Variants in MYRF observed in about 807,000 individuals in gnomAD.
MYRF encodes myelin gene regulatory factor.
A neutral mutation model predicts 126.3 loss-of-function variants in MYRF; 16 were observed. That is an observed-to-expected ratio of 0.13 (90% confidence interval 0.09 to 0.19). The LOEUF (loss-of-function observed/expected upper bound fraction) is 0.19, where lower values mean the gene tolerates loss of function less well. Among genes scored for constraint, MYRF ranks in the 10% least tolerant of loss-of-function variants. The pLI is 1.00. For synonymous variants in MYRF, 608 were observed against 635.3 expected (o/e 0.96, Z 0.65); for missense variants, 1,104 against 1,547.0 (o/e 0.71, Z 4.80).
chr11:61,772,147 G>C (rs958274736), intron 7 of MYRF, among the ~76,000 whole-genome samples, 195 bp downstream of exon 7: 1 of 152,188 alleles, frequency 6.6e-6, no homozygotes, highest in Non-Finnish European at 1.5e-5. Context: ...CCCTGAGAAG[G>C]TGATGACTGC....
rs1349245997 is a variant in MYRF at position 61,770,326 on chromosome 11, C to A, written c.541C>A (p.Pro181Thr). Residue 181 changes from proline (P) to threonine (T), a missense_variant, in exon 5 of 27, where the codon CCT (proline) becomes ACT (threonine). By Grantham distance (38) the Pro-to-Thr change is conservative. Around this residue, in one of 10 missense-constraint regions of MYRF, gnomAD observed 368 missense variants for 403.9 expected, o/e 0.91. Transcript: ENST00000278836. ...VPSRLEHPPP[P>T]PAHLPGPPPP... ...CTCCCGCCTGGAGCATCCGCCCCCA[C>A]CTCCAGCCCACTTGCCAGGCCCCCC... The A allele has an allele frequency of 3.8e-6, 6 of 1,577,974 alleles. No individual in the cohort carries two copies. The highest frequency in any genetic ancestry group is 5.2e-6 in the Non-Finnish European group (6 of 1,163,466).
rs989804523 is a variant in MYRF at position 61,765,555 on chromosome 11, G to T, written c.47-70G>T. On this transcript the variant is annotated intron_variant, in intron 1 of 26. Transcript: ENST00000278836. ...GGGCCAGCCTGGGCAGGGATGGAGGGCTGGGCCCTGAAGCCCAGGGTCTGC... is the reference window on the plus strand; with the variant it reads ...GGGCCAGCCTGGGCAGGGATGGAGGTCTGGGCCCTGAAGCCCAGGGTCTGC... The T allele has an allele frequency of 7.7e-6, 10 of 1,292,706 alleles. No individual in the cohort carries two copies. In the Admixed American group the frequency reaches 8.0e-5, roughly 10 times the overall value. The allele number at this position is 1,292,706 out of a possible 1,614,324, so 80.1% of individuals were successfully genotyped here.
chr11:61,776,744 G>A lies in MYRF; in HGVS notation c.1500-43G>A, dbSNP rs981575100. On this transcript the variant is annotated intron_variant, in intron 10 of 26. Transcript: ENST00000278836. This position sits in a 1 kb window ranked among gnomAD's most constrained non-coding sequence, Gnocchi z 4.3. The stretch of plus-strand genomic sequence containing the variant: ...CCAGGGAAAGGGTGGCCCTGGGGGC[G>A]GGGGCAGGCCATGAGTACTTCTGAG... The A allele has an allele frequency of 6.8e-6, 10 of 1,477,446 alleles. No homozygotes were observed. Among genetic ancestry groups the A allele is most frequent in the South Asian group, 5.0e-5 (4 of 80,228 alleles). 91.5% of individuals were successfully genotyped at this position (1,477,446 alleles called of 1,614,324 possible). A position where few individuals can be genotyped will look rare whatever the true frequency, so the allele number is the denominator to read the frequency against.
At chr11:61,754,653 G>A (rs571809631) in intron 1 of MYRF, among the ~76,000 whole-genome samples, 57 of 152,322 alleles carry the variant, frequency 3.7e-4, no homozygotes, top group African/African-American at 1.2e-3. Context: ...GGGTTGGGGG[G>A]TGGGGGCTGA....
At chr11:61,782,916 G>A (rs2066591353) in intron 22 of MYRF, 1 of 152,588 alleles carries the variant, frequency 6.6e-6, no homozygotes, top group Admixed American at 6.5e-5. Flanking sequence ...CCCTTCCTGG[G>A]TGGATAGTCA....
At chr11:61,780,149 A>G (rs765474074) in intron 17 of MYRF, 73 bp from the exon 18 acceptor site, 2 of 1,551,332 alleles carry the variant, frequency 1.3e-6, no homozygotes, top group African/African-American at 1.4e-5. Flanking sequence ...AGCAAGGACC[A>G]CAGCCTTGTC....
At chr11:61,784,592 C>T in intron 25 of MYRF, 1 of 567,066 alleles carries the variant, frequency 1.8e-6, no homozygotes, top group South Asian at 2.1e-5. Flanking sequence ...TGAGCATCTC[C>T]CAGCCCTGCC....
In MYRF at chr11:61,779,251, G is replaced by T. The variant is rs1403500144; in HGVS notation, c.2014-12G>T. On this transcript the variant is annotated splice_polypyrimidine_tract_variant and intron_variant, in intron 14 of 26. Transcript: ENST00000278836. ...TGTTGGCCCATGGCCCATGGCCCAT[G>T]GCCCATGGCAGGAGCGCATCTTCAT... 6 of 1,539,148 alleles carry T rather than the reference G, an allele frequency of 3.9e-6. No individual in the cohort carries two copies. The East Asian group carries it at 1.5e-4, about 38-fold the overall frequency.
At chr11:61,764,226 TC>T (rs1441117333) in intron 1 of MYRF, among the ~76,000 whole-genome samples, 1 of 152,106 alleles carries the variant, frequency 6.6e-6, no homozygotes, top group African/African-American at 2.4e-5. Flanking sequence ...GGCTCAGCAT[TC>T]TTGAAATGCC....
chr11:61,784,203 TG>T, intron 24 of MYRF, 76 bp from the exon 25 acceptor site: 1 of 1,358,452 alleles, frequency 7.4e-7, no homozygotes, highest in Non-Finnish European at 1.0e-6. Context: ...CAGAGGCGTG[TG>T]GCAGGCTGGC....
Position 61,784,310 on chromosome 11 carries a change from C to T in MYRF, c.3225C>T (p.Cys1075=). The T allele has an allele frequency of 1.2e-6, 2 of 1,613,840 alleles. No homozygotes were observed. Among genetic ancestry groups the T allele is most frequent in the African/African-American group, 1.3e-5 (1 of 74,966 alleles). ...NSSSPVSVVL[C]SLRSKEEPCE... ...CCTCCCCCGTGTCTGTGGTGCTGTG[C>T]AGCCTGAGGTCAAAGGAGGAACCAT... The change falls in exon 25 of 27, where the codon TGC becomes TGT. Residue 1075 remains cysteine, a synonymous_variant. Coordinates refer to ENST00000278836, the MANE Select transcript of MYRF (RefSeq NM_001127392.3).
At chr11:61,761,912 G>A (rs2065912105) in intron 1 of MYRF, among the ~76,000 whole-genome samples, 1 of 152,276 alleles carries the variant, frequency 6.6e-6, no homozygotes, top group Admixed American at 6.5e-5. Context: ...GGGCGAGTGA[G>A]CTGTGGGTGG....
chr11:61,782,012 G>A (rs2066565668), intron 22 of MYRF, 188 bp downstream of exon 22: 4 of 586,290 alleles, frequency 6.8e-6, no homozygotes, highest in Middle Eastern at 4.7e-4. Flanking sequence ...AGTCCTCACA[G>A]CACTCCTGCA....
Position 61,773,829 on chromosome 11 carries a change from T to TG in MYRF, c.1116-133dup, listed in dbSNP as rs2135810114. Reference sequence around the variant, plus strand: ...GGACTCAGTTTCCATTTCTCAGGAGTGGGGGCAGCCGCATTGGTGGTTTGA... The same window carrying TG: ...GGACTCAGTTTCCATTTCTCAGGAGTGGGGGGCAGCCGCATTGGTGGTTTGA... On this transcript the variant is annotated intron_variant, in intron 7 of 26. Transcript: ENST00000278836. 6 of 673,860 alleles carry TG rather than the reference T, an allele frequency of 8.9e-6. No individual in the cohort carries two copies. In the East Asian group the frequency reaches 1.4e-4, roughly 15 times the overall value. 41.7% of individuals were successfully genotyped at this position (673,860 alleles called of 1,614,324 possible). A position where few individuals can be genotyped will look rare whatever the true frequency, so the allele number is the denominator to read the frequency against.
intron 3 of MYRF, chr11:61,767,661 A>G: frequency 2.9e-6 from 1 of 343,824 alleles, no homozygotes; most frequent in South Asian, 2.3e-5. Flanking sequence ...CCATCTCTAC[A>G]AAAAATACAA....
intron 4 of MYRF, among the ~76,000 whole-genome samples, chr11:61,769,695 G>A (rs2066155342): frequency 6.6e-6 from 1 of 152,300 alleles, no homozygotes; most frequent in Admixed American, 6.5e-5. Context: ...GTGGCCAAGA[G>A]CAGAACCACC....
At position 61,781,707 on chromosome 11, in the gene MYRF, G is replaced by C. The variant is rs1004532929; in HGVS notation, c.2899G>C (p.Gly967Arg). 2 of 1,613,324 alleles carry C rather than the reference G, an allele frequency of 1.2e-6. No individual in the cohort carries two copies. Among genetic ancestry groups the C allele is most frequent in the African/African-American group, 1.3e-5 (1 of 74,938 alleles). The change falls in exon 22 of 27, where the codon GGG becomes CGG. Residue 967 changes from glycine to arginine, a missense_variant. Transcript: ENST00000278836. Reference protein sequence around the residue: ...PLASPAVPFPGGQGKAKNSPS... With the variant: ...PLASPAVPFPRGQGKAKNSPS... ...GGCCAGCCCTGCAGTCCCCTTCCCT[G>C]GGGGGCAGGGCAAAGCCAAGAACAG...
chr11:61,782,496 A>G (rs1013315869), intron 22 of MYRF: 2 of 152,234 alleles, frequency 1.3e-5, no homozygotes, highest in Non-Finnish European at 2.9e-5. Flanking sequence ...CTGTTTACTG[A>G]GCTGCCTGCC....
chr11:61,781,568 C>A lies in MYRF; in HGVS notation c.2765-5C>A. The A allele has an allele frequency of 1.9e-6, 3 of 1,612,500 alleles. No individual in the cohort carries two copies. The highest frequency in any genetic ancestry group is 2.5e-6 in the Non-Finnish European group (3 of 1,179,426). On this transcript the variant is annotated splice_polypyrimidine_tract_variant and splice_region_variant and intron_variant, in intron 21 of 26. Coordinates refer to ENST00000278836, the MANE Select transcript of MYRF (RefSeq NM_001127392.3). Reference sequence around the variant, plus strand: ...TTCTTAGCCTGTGCCTGGTTCTATCCACAGGCCCCAGCCAGATGGCCCTTC... The same window carrying A: ...TTCTTAGCCTGTGCCTGGTTCTATCAACAGGCCCCAGCCAGATGGCCCTTC...
Sources: allele counts gnomAD v4.1 joint callset (sites outside exome capture counted in the v4.1 genomes callset), GRCh38; gene constraint gnomAD v4.1.1; regional missense constraint gnomAD v4.1.1; non-coding constraint Gnocchi (gnomAD v3.1); transcripts MANE v1.5; gene names NCBI Gene and HGNC (gene_info 2026-07-23, HGNC 2026-07-21).